TTLL5: variants seen among roughly 807,000 people sequenced by gnomAD.
The protein encoded by TTLL5 is tubulin polyglutamylase TTLL5.
Under a neutral mutation model 168.4 loss-of-function variants are expected in TTLL5, and 132 were observed. That is an observed-to-expected ratio of 0.78 (90% CI 0.68 to 0.91). TTLL5 has a LOEUF of 0.91. TTLL5 is among the 40% of genes least tolerant of loss of function. The pLI is 0.00. For synonymous variants in TTLL5, 546 were observed against 558.6 expected (o/e 0.98, Z 0.32); for missense variants, 1,545 against 1,581.5 (o/e 0.98, Z 0.39).
rs1300594439 is a variant in TTLL5, at chr14:75,798,563, A to G, written c.3171+5463A>G. On this transcript the variant is annotated intron_variant, in intron 27 of 31. Coordinates refer to ENST00000298832, the MANE Select transcript of TTLL5 (RefSeq NM_015072.5). ...TCTGAGATGTGACCTTAGATTGTCT[A>G]TTTGAGCTCTTTCAGGCTTTTTGAT... is the stretch of plus-strand genomic sequence containing the variant. 4.6e-5 allele frequency among the ~76,000 whole-genome samples: 7 copies of G among 151,962 alleles called. No homozygotes were observed. The East Asian group carries it at 5.8e-4, about 13-fold the overall frequency.
chr14:75,925,231 G>T (rs1455995585), intron 31 of TTLL5, among the ~76,000 whole-genome samples: 1 of 150,138 alleles, frequency 6.7e-6, no homozygotes, highest in African/African-American at 2.5e-5. Flanking sequence ...GGCCTGGCGG[G>T]GGCTGACCCC....
intron 3 of TTLL5, among the ~76,000 whole-genome samples, chr14:75,669,819 AT>A (rs1883580442): frequency 6.6e-6 from 1 of 152,120 alleles, no homozygotes; most frequent in Non-Finnish European, 1.5e-5. Context: ...TGTTTAGTAC[AT>A]TCACAATGTT....
At chr14:75,887,375 T>G (rs1251764140) in intron 30 of TTLL5, 2 of 969,072 alleles carry the variant, frequency 2.1e-6, no homozygotes, top group Non-Finnish European at 2.5e-6. Context: ...ACTTAATAAT[T>G]GTCCAAAAGT....
At chr14:75,842,970 A>T (rs1202344492) in intron 28 of TTLL5, among the ~76,000 whole-genome samples, 1 of 152,190 alleles carries the variant, frequency 6.6e-6, no homozygotes, top group African/African-American at 2.4e-5. Context: ...CATAGCAAAA[A>T]GAAGAAAGGT....
intron 31 of TTLL5, among the ~76,000 whole-genome samples, chr14:75,933,154 C>T (rs569913378): frequency 8.5e-5 from 13 of 152,236 alleles, no homozygotes; most frequent in South Asian, 4.1e-4. Context: ...GAAAACTTAA[C>T]GGCTTAAAAC....
chr14:75,827,380 T>C (rs1477450742), intron 28 of TTLL5, among the ~76,000 whole-genome samples: 1 of 152,218 alleles, frequency 6.6e-6, no homozygotes, highest in Non-Finnish European at 1.5e-5. Context: ...AAAACTGTTA[T>C]TATAAATCAT....
intron 28 of TTLL5, among the ~76,000 whole-genome samples, chr14:75,834,016 T>G (rs964020386): frequency 3.3e-5 from 5 of 152,210 alleles, no homozygotes; most frequent in African/African-American, 9.7e-5. Context: ...TACCAGGCTC[T>G]GAGTGTACAA....
intron 30 of TTLL5, chr14:75,886,691 A>G: frequency 6.3e-7 from 1 of 1,597,712 alleles, no homozygotes; most frequent in South Asian, 1.1e-5. Flanking sequence ...GCAACACTTC[A>G]TAATTTAGTA....
chr14:75,675,622 CAT>C (rs1884083303), intron 3 of TTLL5, among the ~76,000 whole-genome samples: 1 of 152,164 alleles, frequency 6.6e-6, no homozygotes, highest in African/African-American at 2.4e-5. Flanking sequence ...TGCTCTGCCT[CAT>C]GTTTTTATAC....
In TTLL5 at chr14:75,919,423, G is replaced by C. The variant is rs142286089; in HGVS notation, c.3823+17199G>C. On this transcript the variant is annotated intron_variant, in intron 31 of 31. Transcript: ENST00000298832. ...ACAGTAACCAAAACAGTATGGATGG[G>C]ATAGAATTAAATGTCCAGAAATAAA... 1.2e-3 allele frequency among the ~76,000 whole-genome samples: 181 copies of C among 152,140 alleles called. 2 individuals carry two copies. In the East Asian group the frequency reaches 0.016, roughly 14 times the overall value.
At chr14:75,754,248 A>G (rs1324096378) in intron 18 of TTLL5, among the ~76,000 whole-genome samples, 3 of 152,158 alleles carry the variant, frequency 2.0e-5, no homozygotes, top group Non-Finnish European at 4.4e-5. Flanking sequence ...TCATGGATGT[A>G]ATGTCTTTTC....
intron 31 of TTLL5, among the ~76,000 whole-genome samples, chr14:75,937,068 CAT>C (rs1406216259): frequency 2.0e-5 from 3 of 151,990 alleles, no homozygotes; most frequent in African/African-American, 7.2e-5. Flanking sequence ...ATATATGTAA[CAT>C]AAAATGTGCT....
Position 75,926,156 on chromosome 14 carries a change from CTTTTTTTTTTT to C in TTLL5, c.3823+23950_3823+23960del, listed in dbSNP as rs34048806. Among the ~76,000 whole-genome samples the C allele has an allele frequency of 1.6e-3, 48 of 29,960 alleles. 2 individuals carry two copies. Among genetic ancestry groups the C allele is most frequent in the African/African-American group, 6.7e-3 (35 of 5,188 alleles). The allele number at this position is 29,960 out of a possible 152,430, so 19.7% of individuals were successfully genotyped here. ...TTAAAGACTAGGATTGCAACCCCAG[CTTTTTTTTTTT>C]TTTTTTTTTTTTTTTTTGCTTTCCA... On this transcript the variant is annotated intron_variant, in intron 31 of 31. Transcript: ENST00000298832.
At chr14:75,876,942 G>A (rs2031524997) in intron 29 of TTLL5, among the ~76,000 whole-genome samples, 1 of 152,176 alleles carries the variant, frequency 6.6e-6, no homozygotes, top group Non-Finnish European at 1.5e-5. Flanking sequence ...TAACTTACAT[G>A]CTCAAGAAAA....
At chr14:75,821,516 A>G (rs1894831180) in intron 28 of TTLL5, among the ~76,000 whole-genome samples, 1 of 152,230 alleles carries the variant, frequency 6.6e-6, no homozygotes, top group South Asian at 2.1e-4. Flanking sequence ...TGTCTGTATG[A>G]CAAGGCTACA....
At chr14:75,746,358 C>G (rs1360525455) in intron 17 of TTLL5, among the ~76,000 whole-genome samples, 1 of 152,150 alleles carries the variant, frequency 6.6e-6, no homozygotes, top group Non-Finnish European at 1.5e-5. Flanking sequence ...CAGTTATGGT[C>G]TCTTTTGAAG....
intron 5 of TTLL5, chr14:75,684,063 C>A (rs1884837842): frequency 5.1e-6 from 1 of 195,480 alleles, no homozygotes; most frequent in Admixed American, 5.4e-5. Flanking sequence ...CATGAGCCAC[C>A]ACGCCCGGCC....
chr14:75,717,759 A>G, intron 9 of TTLL5, 102 bp from the exon 10 acceptor site: 2 of 1,081,946 alleles, frequency 1.8e-6, no homozygotes, highest in South Asian at 2.9e-5. Context: ...TTGTTAGGTA[A>G]TGATATTACC....
intron 22 of TTLL5, among the ~76,000 whole-genome samples, chr14:75,775,850 A>G (rs1891695424): frequency 2.0e-5 from 3 of 152,300 alleles, no homozygotes; most frequent in Non-Finnish European, 4.4e-5. Flanking sequence ...GCCATAGTTA[A>G]TTCTTAATTC....
Sources: gnomAD v4.1 joint callset for allele counts (sites outside exome capture counted in the v4.1 genomes callset) on GRCh38, gnomAD v4.1.1 for gene constraint, MANE v1.5 for transcripts, NCBI Gene and HGNC (gene_info 2026-07-23, HGNC 2026-07-21) for gene names.